The following TBC1D5 variants were observed in gnomAD, a reference collection of about 807,000 sequenced individuals.
TBC1D5 encodes TBC1 domain family, member 5.
Under a neutral mutation model 100.3 loss-of-function variants are expected in TBC1D5, and 75 were observed. The ratio of observed to expected loss-of-function variants is 0.75; its 90% CI spans 0.62 to 0.91. The LOEUF is 0.91. Among genes scored for constraint, TBC1D5 ranks in the 40% least tolerant of loss-of-function variants. The probability of loss-of-function intolerance (pLI) is 0.00; values close to 1 mark genes in which losing one functional copy is unlikely to be tolerated. For synonymous variants in TBC1D5, 323 were observed against 325.6 expected (o/e 0.99, Z 0.09); for missense variants, 910 against 942.4 (o/e 0.97, Z 0.45).
At chr3:17,446,375 A>C (rs1198032980) in intron 3 of TBC1D5, among the ~76,000 whole-genome samples, 3 of 152,150 alleles carry the variant, frequency 2.0e-5, no homozygotes, top group Non-Finnish European at 4.4e-5. Context: ...TGACAAATCT[A>C]TTGCATTGGT....
chr3:17,726,913 C>CT (rs2076171628), intron 1 of TBC1D5, among the ~76,000 whole-genome samples: 1 of 152,198 alleles, frequency 6.6e-6, no homozygotes, highest in Non-Finnish European at 1.5e-5. Context: ...CTTTACTCAA[C>CT]TTGATTCCAC....
chr3:17,611,456 A>G (rs183999217), intron 2 of TBC1D5, among the ~76,000 whole-genome samples: 13 of 152,304 alleles, frequency 8.5e-5, no homozygotes, highest in Non-Finnish European at 1.5e-4. Flanking sequence ...CAGAGAAGGG[A>G]GAACTAATGG....
At chr3:17,334,406 A>G (rs2087358717) in intron 13 of TBC1D5, among the ~76,000 whole-genome samples, 1 of 152,156 alleles carries the variant, frequency 6.6e-6, no homozygotes, top group Non-Finnish European at 1.5e-5. Context: ...CTTGCTGTGG[A>G]TATTTTATGT....
At chr3:17,583,065 A>T (rs897309574) in intron 2 of TBC1D5, among the ~76,000 whole-genome samples, 1 of 152,178 alleles carries the variant, frequency 6.6e-6, no homozygotes, top group African/African-American at 2.4e-5. Flanking sequence ...TAGGTGGATC[A>T]CTTGAGCTCA....
chr3:17,632,777 T>C (rs1036262289), intron 1 of TBC1D5, among the ~76,000 whole-genome samples: 1 of 152,180 alleles, frequency 6.6e-6, no homozygotes, highest in African/African-American at 2.4e-5. Flanking sequence ...ATGTACGTTG[T>C]TTTTTACACA....
At chr3:17,620,828 AC>A (rs1166268195) in intron 2 of TBC1D5, among the ~76,000 whole-genome samples, 25 of 152,312 alleles carry the variant, frequency 1.6e-4, no homozygotes, top group Admixed American at 1.3e-3. Flanking sequence ...GAAAACTAAT[AC>A]AAGTGAACTA....
At chr3:17,365,950 G>A (rs1170669582) in intron 13 of TBC1D5, among the ~76,000 whole-genome samples, 1 of 152,078 alleles carries the variant, frequency 6.6e-6, no homozygotes, top group Non-Finnish European at 1.5e-5. Context: ...CAACAAAATG[G>A]GGATAATAAC....
At chr3:17,257,626 T>C (rs1321897018) in intron 16 of TBC1D5, among the ~76,000 whole-genome samples, 3 of 152,208 alleles carry the variant, frequency 2.0e-5, no homozygotes, top group African/African-American at 7.2e-5. Context: ...ATTTCAAGTT[T>C]AAATTTAGCC....
chr3:17,186,637 G>A (rs910496459), intron 18 of TBC1D5, among the ~76,000 whole-genome samples: 1 of 138,656 alleles, frequency 7.2e-6, no homozygotes, highest in Non-Finnish European at 1.5e-5. Context: ...TTGAATCCGG[G>A]AGGTGAAGGT....
intron 13 of TBC1D5, among the ~76,000 whole-genome samples, chr3:17,371,272 G>A (rs1165975202): frequency 6.6e-6 from 1 of 152,104 alleles, no homozygotes; most frequent in Non-Finnish European, 1.5e-5. Context: ...TGATATAATG[G>A]AAAGAACATG....
At chr3:17,175,251 A>T (rs1008159533) in intron 19 of TBC1D5, among the ~76,000 whole-genome samples, 1 of 152,228 alleles carries the variant, frequency 6.6e-6, no homozygotes, top group African/African-American at 2.4e-5. Flanking sequence ...TACTTAGGAA[A>T]ATCTAAGGGT....
In TBC1D5 at chr3:17,372,072, T is replaced by C. The variant is rs764865191; in HGVS notation, c.995+3A>G. On this transcript the variant is annotated splice_donor_region_variant and intron_variant, in intron 13 of 21. Transcript: ENST00000253692. ...CAAACAAACAAAGAACTTTAATACT[T>C]ACAACCCATATATCTGTGGTGCAAT... 1.4e-5 allele frequency: 17 copies of C among 1,231,888 alleles called. No individual in the cohort carries two copies. The highest frequency in any genetic ancestry group is 1.9e-5 in the Non-Finnish European group (17 of 886,628). 76.3% of individuals were successfully genotyped at this position (1,231,888 alleles called of 1,614,324 possible). A position where few individuals can be genotyped will look rare whatever the true frequency, so the allele number is the denominator to read the frequency against.
chr3:17,370,541 CA>C (rs1190407650), intron 13 of TBC1D5, among the ~76,000 whole-genome samples: 2 of 152,096 alleles, frequency 1.3e-5, no homozygotes, highest in East Asian at 3.9e-4. Context: ...ATGTCACACA[CA>C]ATTTTCTCAT....
intron 18 of TBC1D5, among the ~76,000 whole-genome samples, chr3:17,207,692 T>C (rs376353678): frequency 2.6e-5 from 4 of 152,182 alleles, no homozygotes; most frequent in African/African-American, 7.2e-5. Context: ...AAAGGCAATA[T>C]TAAGAGAAAA....
At chr3:17,668,852 A>G (rs2067588126) in intron 1 of TBC1D5, among the ~76,000 whole-genome samples, 1 of 152,166 alleles carries the variant, frequency 6.6e-6, no homozygotes, top group South Asian at 2.1e-4. Flanking sequence ...GTTCCACAGG[A>G]AGTAGGGTTT....
intron 1 of TBC1D5, among the ~76,000 whole-genome samples, chr3:17,697,713 T>G (rs990959045): frequency 2.6e-5 from 4 of 152,108 alleles, no homozygotes; most frequent in Non-Finnish European, 5.9e-5. Context: ...GCCATCCCCA[T>G]CAAGCTACCA....
In TBC1D5 at chr3:17,431,701, T is replaced by C. The variant is rs191973116; in HGVS notation, c.98-3182A>G. Among the ~76,000 whole-genome samples the C allele has an allele frequency of 4.0e-3, 613 of 152,156 alleles. 1 individual carries two copies. Among genetic ancestry groups the C allele is most frequent in the Non-Finnish European group, 6.3e-3 (427 of 67,872 alleles). On this transcript the variant is annotated intron_variant, in intron 3 of 21. Transcript: ENST00000253692. Reference sequence around the variant, plus strand: ...CTGATTTGCAAAAATATGCTGATAGTTACATTGGCTTAAATTATAAGAAAA... The same window carrying C: ...CTGATTTGCAAAAATATGCTGATAGCTACATTGGCTTAAATTATAAGAAAA...
At chr3:17,167,080 G>GAA (rs1006639509) in intron 20 of TBC1D5, 152 bp from the exon 22 acceptor site, 1 of 847,186 alleles carries the variant, frequency 1.2e-6, no homozygotes, top group African/African-American at 1.7e-5. Context: ...CAAATAATGA[G>GAA]AAAAAAATCT....
chr3:17,366,142 T>C (rs895630949), intron 13 of TBC1D5, among the ~76,000 whole-genome samples: 5 of 151,816 alleles, frequency 3.3e-5, no homozygotes, highest in Non-Finnish European at 5.9e-5. Flanking sequence ...ATACAAAAAA[T>C]TAGCTGGGCA....
Sources: gnomAD v4.1 joint callset for allele counts (sites outside exome capture counted in the v4.1 genomes callset) on GRCh38, gnomAD v4.1.1 for gene constraint, MANE v1.5 for transcripts, NCBI Gene and HGNC (gene_info 2026-07-23, HGNC 2026-07-21) for gene names.